Variants in TENM4 observed in about 807,000 individuals in gnomAD.
TENM4 encodes teneurin-4.
TENM4 carries 82 observed loss-of-function variants against 243.3 expected under a neutral mutation model. The ratio of observed to expected loss-of-function variants is 0.34; its 90% CI spans 0.28 to 0.40. TENM4 has a LOEUF of 0.40. Ranked by LOEUF, TENM4 falls within the 10% of genes least tolerant of loss-of-function variation. The pLI, the probability that TENM4 is intolerant of heterozygous loss-of-function variation, is 1.00. For synonymous variants in TENM4, 1,412 were observed against 1,456.3 expected, an observed-to-expected ratio of 0.97 and a Z score of 0.69; for missense variants, 3,138 against 3,673.3, an observed-to-expected ratio of 0.85 and a Z score of 3.77.
chr11:79,432,154 A>T (rs1468733505), intron 1 of TENM4, among the ~76,000 whole-genome samples: 1 of 152,190 alleles, frequency 6.6e-6, no homozygotes, highest in Non-Finnish European at 1.5e-5. Context: ...TGCATTGCTC[A>T]ATAAATATTT....
At chr11:79,183,765 C>A (rs145282105) in intron 3 of TENM4, among the ~76,000 whole-genome samples, 31 of 152,214 alleles carry the variant, frequency 2.0e-4, no homozygotes, top group African/African-American at 7.5e-4. Context: ...GAACGAATGA[C>A]TCAAAAGGAG....
chr11:79,169,108 A>C (rs1862983842), intron 3 of TENM4, among the ~76,000 whole-genome samples: 1 of 152,180 alleles, frequency 6.6e-6, no homozygotes, highest in African/African-American at 2.4e-5. Context: ...TCCCAGGCAA[A>C]TGGAGATGGC....
chr11:78,964,999 C>G (rs1381655058), intron 6 of TENM4, among the ~76,000 whole-genome samples: 2 of 152,114 alleles, frequency 1.3e-5, no homozygotes, highest in East Asian at 3.9e-4. Flanking sequence ...TCCCCAGTAG[C>G]TGGGATTTCA....
rs754872057 is a variant in TENM4 at position 78,676,163 on chromosome 11, G to A, written c.5485C>T (p.Arg1829Cys). Reference protein sequence around the residue: ...QARGQVTVFGRRLRVHNRNLL... With the variant: ...QARGQVTVFGCRLRVHNRNLL... ...GAGGCCTCGCTCACCCGCAGCCGGC[G>A]CCCAAAGACAGTGACCTGGCCCCGA... Residue 1829 changes from arginine (R) to cysteine (C), a missense_variant, in exon 30 of 34, where the codon CGC becomes TGC. By Grantham distance (180) the Arg-to-Cys change is radical. Coordinates refer to ENST00000278550, the MANE Select transcript of TENM4 (RefSeq NM_001098816.3). 27 of 1,516,954 alleles carry A rather than the reference G, an allele frequency of 1.8e-5. No individual in the cohort carries two copies. The highest frequency in any genetic ancestry group is 5.0e-5 in the East Asian group (2 of 40,388). The allele number at this position is 1,516,954 out of a possible 1,614,324, so 94.0% of individuals were successfully genotyped here.
intron 3 of TENM4, among the ~76,000 whole-genome samples, chr11:79,199,797 T>G (rs1590788613): frequency 6.6e-6 from 1 of 152,350 alleles, no homozygotes; most frequent in East Asian, 1.9e-4. Context: ...ACAGTAATCC[T>G]CTGCTGCCTG....
chr11:79,091,892 C>T (rs1296193876), intron 4 of TENM4, among the ~76,000 whole-genome samples: 6 of 152,178 alleles, frequency 3.9e-5, no homozygotes, highest in Non-Finnish European at 7.3e-5. Context: ...ACCTTCCCCT[C>T]ATGGCTGCCA....
At chr11:78,899,687 A>G (rs1855886409) in intron 7 of TENM4, among the ~76,000 whole-genome samples, 1 of 151,510 alleles carries the variant, frequency 6.6e-6, no homozygotes, top group African/African-American at 2.4e-5. Context: ...CCTTGGGAGG[A>G]GATCAAGTTC....
chr11:79,343,655 TAA>T (rs57907479), intron 1 of TENM4, among the ~76,000 whole-genome samples: 102 of 146,346 alleles, frequency 7.0e-4, no homozygotes, highest in Non-Finnish European at 8.2e-4. Context: ...TAGCTAAGTT[TAA>T]AAAAAAAAAA....
At chr11:78,810,677 C>T (rs1444699906) in intron 14 of TENM4, among the ~76,000 whole-genome samples, 3 of 152,198 alleles carry the variant, frequency 2.0e-5, no homozygotes, top group Non-Finnish European at 4.4e-5. Context: ...GGTTTATATA[C>T]AGCTTGTCTC....
At chr11:79,048,345 T>C (rs2136927295) in intron 6 of TENM4, among the ~76,000 whole-genome samples, 1 of 149,666 alleles carries the variant, frequency 6.7e-6, no homozygotes, top group Non-Finnish European at 1.5e-5. Context: ...GCCACCTTTT[T>C]TCCAGTGACC....
At chr11:78,795,100 A>G (rs1414715047) in intron 15 of TENM4, among the ~76,000 whole-genome samples, 2 of 152,228 alleles carry the variant, frequency 1.3e-5, no homozygotes, top group Admixed American at 6.5e-5. Context: ...TCATGTATTC[A>G]AATCTAAATG....
chr11:79,033,845 A>G (rs376757991), intron 6 of TENM4, among the ~76,000 whole-genome samples: 1 of 152,250 alleles, frequency 6.6e-6, no homozygotes, highest in Non-Finnish European at 1.5e-5. Context: ...GGTCCTAAAA[A>G]GATACAAATA....
intron 4 of TENM4, among the ~76,000 whole-genome samples, chr11:79,101,009 G>C (rs1161738791): frequency 6.6e-6 from 1 of 152,040 alleles, no homozygotes; most frequent in African/African-American, 2.4e-5. Context: ...GTGCTTCTCT[G>C]GGGGAGGGTT....
At chr11:78,778,996 C>T (rs1573529) in intron 16 of TENM4, among the ~76,000 whole-genome samples, 89,408 of 152,142 alleles carry the variant, frequency 0.59, 27,950 homozygotes, top group Non-Finnish European at 0.7. Flanking sequence ...AACTAGAGCC[C>T]GTCCCTTTGA....
At position 78,889,803 on chromosome 11, in the gene TENM4, G is replaced by A. The variant is rs1160942504; in HGVS notation, c.1066C>T (p.Leu356=). 3.9e-6 allele frequency: 6 copies of A among 1,552,114 alleles called. No homozygotes were observed. Among genetic ancestry groups the A allele is most frequent in the Non-Finnish European group, 5.2e-6 (6 of 1,147,092 alleles). ...AIVISATLVI[L]LAYFVAMHLF... is the part of the protein sequence containing the mutation. ...TGCTTACCCACAAAGTATGCCAGCA[G>A]GATGACCAGAGTGGCTGAGATGACG... The change falls in exon 9 of 34, where the codon CTG becomes TTG. Residue 356 remains leucine, a synonymous_variant. Coordinates refer to ENST00000278550, the MANE Select transcript of TENM4 (RefSeq NM_001098816.3).
chr11:79,318,754 A>G (rs1374127221), intron 1 of TENM4, among the ~76,000 whole-genome samples: 1 of 152,226 alleles, frequency 6.6e-6, no homozygotes, highest in Non-Finnish European at 1.5e-5. Flanking sequence ...GTGTGAATTT[A>G]TGCAACTTAA....
intron 4 of TENM4, among the ~76,000 whole-genome samples, chr11:79,134,269 C>T (rs968374118): frequency 2.0e-5 from 3 of 152,018 alleles, no homozygotes; most frequent in Non-Finnish European, 2.9e-5. Flanking sequence ...AAATAACATA[C>T]TTAGGAATCT....
rs577299920 is a variant in TENM4, at chr11:79,031,016, T to C, written c.493+33722A>G. 5.4e-4 allele frequency among the ~76,000 whole-genome samples: 82 copies of C among 152,246 alleles called. No individual in the cohort carries two copies. The South Asian group carries it at 0.016, about 30-fold the overall frequency. The stretch of plus-strand genomic sequence containing the variant: ...ACACGAAGGTGGATAAAGGGACATA[T>C]ATGTGGGTGATCGATTATTTGACGA... On this transcript the variant is annotated intron_variant, in intron 6 of 33. Coordinates refer to ENST00000278550, the MANE Select transcript of TENM4 (RefSeq NM_001098816.3).
intron 20 of TENM4, among the ~76,000 whole-genome samples, chr11:78,733,440 C>A (rs934378068): frequency 2.6e-5 from 4 of 152,174 alleles, no homozygotes; most frequent in South Asian, 4.1e-4. Context: ...TGACCCCCTG[C>A]TAAGTCCCTC....
Sources: allele counts gnomAD v4.1 joint callset (sites outside exome capture counted in the v4.1 genomes callset), GRCh38; gene constraint gnomAD v4.1.1; transcripts MANE v1.5; gene names NCBI Gene and HGNC (gene_info 2026-07-23, HGNC 2026-07-21).